CASZ1: variants seen among roughly 807,000 people sequenced by gnomAD.
The protein encoded by CASZ1 is castor zinc finger 1.
CASZ1 carries 28 observed loss-of-function variants against 135.2 expected under a neutral mutation model. That is an observed-to-expected ratio of 0.21 (90% CI 0.15 to 0.28). The LOEUF is 0.28. CASZ1 is among the 10% of genes least tolerant of loss of function. The probability of loss-of-function intolerance (pLI) is 1.00; values close to 1 mark genes in which losing one functional copy is unlikely to be tolerated. For synonymous variants in CASZ1, 1,068 were observed against 1,073.4 expected (o/e 0.99, Z 0.10); for missense variants, 2,161 against 2,453.3 (o/e 0.88, Z 2.52).
chr1:10,765,287 T>G (rs1570573529), intron 1 of CASZ1, among the ~76,000 whole-genome samples: 1 of 147,218 alleles, frequency 6.8e-6, no homozygotes, highest in African/African-American at 2.5e-5. Flanking sequence ...AAGCCCGGGG[T>G]GGGGAGAGGA....
At chr1:10,784,892 A>G (rs1290160098) in intron 1 of CASZ1, among the ~76,000 whole-genome samples, 2 of 152,136 alleles carry the variant, frequency 1.3e-5, no homozygotes, top group Non-Finnish European at 1.5e-5. Flanking sequence ...AAATAGACTA[A>G]AAGCATCTAA....
intron 1 of CASZ1, among the ~76,000 whole-genome samples, chr1:10,772,296 A>AC (rs999596868): frequency 1.3e-4 from 20 of 152,084 alleles, no homozygotes; most frequent in African/African-American, 4.6e-4. Context: ...AGTCCCAGGC[A>AC]CCCCCAGAGG....
intron 2 of CASZ1, among the ~76,000 whole-genome samples, chr1:10,750,384 T>C (rs1640128406): frequency 6.6e-6 from 1 of 152,146 alleles, no homozygotes; most frequent in East Asian, 1.9e-4. Context: ...CCAGTGATTC[T>C]CCCACCTCAG....
At position 10,727,814 on chromosome 1, in the gene CASZ1, A is replaced by G. The variant is rs1639624130; in HGVS notation, c.-76-22270T>C. ...CTCAGCCCTTGCCCAGACTGTGCCG[A>G]CCTGGGAACCTGTGGAGCCCCTGGC... On this transcript the variant is annotated intron_variant, in intron 2 of 20. Coordinates refer to ENST00000377022, the MANE Select transcript of CASZ1 (RefSeq NM_001079843.3). The surrounding 1 kb of genome is among the most constrained non-coding windows in gnomAD (Gnocchi z 5.3). Among the ~76,000 whole-genome samples, 1 of 152,186 alleles carries G rather than the reference A, an allele frequency of 6.6e-6. No homozygotes were observed. The highest frequency in any genetic ancestry group is 2.4e-5 in the African/African-American group (1 of 41,446).
At chr1:10,682,611 A>G (rs1467003207) in intron 4 of CASZ1, among the ~76,000 whole-genome samples, 1 of 152,348 alleles carries the variant, frequency 6.6e-6, no homozygotes, top group Admixed American at 6.5e-5. Flanking sequence ...CTGAACAGAA[A>G]TGTCACCGCT....
At position 10,755,106 on chromosome 1, in the gene CASZ1, G is replaced by C. The variant is rs1033874009; in HGVS notation, c.-77+5595C>G. Among the ~76,000 whole-genome samples the C allele has an allele frequency of 1.3e-5, 2 of 152,202 alleles. No homozygotes were observed. The highest frequency in any genetic ancestry group is 2.4e-5 in the African/African-American group (1 of 41,470). Reference sequence around the variant, plus strand: ...GCGACCCCCAGGCCTGAAGGGCAGAGAGCAAGCGGCAGTGGTGTGGGTGGG... The same window carrying C: ...GCGACCCCCAGGCCTGAAGGGCAGACAGCAAGCGGCAGTGGTGTGGGTGGG... On this transcript the variant is annotated intron_variant, in intron 2 of 20. Coordinates refer to ENST00000377022, the MANE Select transcript of CASZ1 (RefSeq NM_001079843.3). The surrounding 1 kb of genome is among the most constrained non-coding windows in gnomAD (Gnocchi z 4.3).
chr1:10,740,051 T>C (rs528780895), intron 2 of CASZ1, among the ~76,000 whole-genome samples: 235 of 152,218 alleles, frequency 1.5e-3, no homozygotes, highest in Non-Finnish European at 2.5e-3. Flanking sequence ...CACCACCCCA[T>C]AGGAAAGCTG....
rs559806450 is a variant in CASZ1 at position 10,772,684 on chromosome 1, A to G, written c.-233-11827T>C. Among the ~76,000 whole-genome samples, 6 of 152,300 alleles carry G rather than the reference A, an allele frequency of 3.9e-5. No individual in the cohort carries two copies. The South Asian group carries it at 1.2e-3, about 32-fold the overall frequency. ...CAGGGTGTCCACCTGAGTGCCAGAC[A>G]GGTGCATGGCTCCTCCCTAAAGCTG... On this transcript the variant is annotated intron_variant, in intron 1 of 20. Transcript: ENST00000377022.
intron 4 of CASZ1, 130 bp from the exon 5 acceptor site, chr1:10,665,701 G>A (rs1322165410): frequency 4.9e-6 from 5 of 1,015,108 alleles, no homozygotes; most frequent in Admixed American, 3.1e-5. Flanking sequence ...AAACTGCCCT[G>A]AGACTGCCTG....
chr1:10,694,312 G>A lies in CASZ1; in HGVS notation c.-23-400C>T. ...CGGTACTCACCATAGTCGGAGAGTCGAAAGCCGAATTCACTTAAATAATCA... is the reference window on the plus strand; with the variant it reads ...CGGTACTCACCATAGTCGGAGAGTCAAAAGCCGAATTCACTTAAATAATCA... On this transcript the variant is annotated intron_variant, in intron 3 of 20. Transcript: ENST00000377022. This position sits in a 1 kb window ranked among gnomAD's most constrained non-coding sequence, Gnocchi z 6.6. The A allele has an allele frequency of 8.6e-7, 1 of 1,157,226 alleles. No individual in the cohort carries two copies. The highest frequency in any genetic ancestry group is 1.1e-6 in the Non-Finnish European group (1 of 914,848). The allele number at this position is 1,157,226 out of a possible 1,614,324, so 71.7% of individuals were successfully genotyped here. A position where few individuals can be genotyped will look rare whatever the true frequency, so the allele number is the denominator to read the frequency against.
chr1:10,696,216 A>G (rs1638931426), intron 3 of CASZ1, among the ~76,000 whole-genome samples: 1 of 152,016 alleles, frequency 6.6e-6, no homozygotes, highest in South Asian at 2.1e-4. Context: ...GGAGTTGGGC[A>G]TCCCTCCCCT....
chr1:10,656,752 G>A lies in CASZ1; in HGVS notation c.1410-16C>T, dbSNP rs369886219. ...GCCCGAGAACCTGGAGGGAGGAGGG[G>A]TGGGGTCAGGGCCCTGCTGTGGGTG... On this transcript the variant is annotated splice_polypyrimidine_tract_variant and intron_variant, in intron 7 of 20. Transcript: ENST00000377022. 12 of 1,546,396 alleles carry A rather than the reference G, an allele frequency of 7.8e-6. No homozygotes were observed. The highest frequency in any genetic ancestry group is 2.3e-5 in the South Asian group (2 of 85,374).
chr1:10,789,808 G>A lies in CASZ1; in HGVS notation c.-234+6756C>T, dbSNP rs554944568. Among the ~76,000 whole-genome samples, 24 of 152,242 alleles carry A rather than the reference G, an allele frequency of 1.6e-4. No homozygotes were observed. The South Asian group carries it at 3.1e-3, about 20-fold the overall frequency. ...TGTCCAGGCCACCCCTCACTCTGCC[G>A]GACTTTGAACAGGGGGAACAGGAGA... is the stretch of plus-strand genomic sequence containing the variant. On this transcript the variant is annotated intron_variant, in intron 1 of 20. Transcript: ENST00000377022.
In CASZ1 at chr1:10,639,414, G is replaced by A. The variant is rs1642120747; in HGVS notation, c.4808C>T (p.Pro1603Leu). The A allele has an allele frequency of 1.3e-6, 2 of 1,554,272 alleles. No homozygotes were observed. The highest frequency in any genetic ancestry group is 1.7e-6 in the Non-Finnish European group (2 of 1,149,726). ...RKHEKQERGE[P>L]AAEGPAPGPP... ...CCCGGGCGCGGGGCCCTCTGCCGCG[G>A]GCTCGCCGCGCTCCTGCTTCTCGTG... Residue 1603 changes from proline (P) to leucine (L), a missense_variant, in exon 21 of 21, where the codon CCC becomes CTC. Physicochemically the swap from Pro to Leu is moderately conservative, Grantham distance 98 (BLOSUM62 -3). Around this residue, in one of 7 missense-constraint regions of CASZ1, gnomAD observed 240 missense variants for 321.4 expected, o/e 0.75. Transcript: ENST00000377022. This position sits in a 1 kb window ranked among gnomAD's most constrained non-coding sequence, Gnocchi z 4.0.
At chr1:10,753,375 G>A (rs1023626276) in intron 2 of CASZ1, among the ~76,000 whole-genome samples, 5 of 152,108 alleles carry the variant, frequency 3.3e-5, no homozygotes, top group Non-Finnish European at 5.9e-5. Context: ...TCCCTCACCC[G>A]TCACTGCTGC....
chr1:10,791,699 G>A (rs1407529711), intron 1 of CASZ1, among the ~76,000 whole-genome samples: 1 of 151,816 alleles, frequency 6.6e-6, no homozygotes, highest in Non-Finnish European at 1.5e-5. Flanking sequence ...TTCTACTCAT[G>A]TTCTTATGTC....
At chr1:10,746,195 T>A (rs1401127334) in intron 2 of CASZ1, among the ~76,000 whole-genome samples, 1 of 151,922 alleles carries the variant, frequency 6.6e-6, no homozygotes, top group African/African-American at 2.4e-5. Context: ...ATGAAGAGAG[T>A]GACAAGGAGG....
In CASZ1 at chr1:10,729,874, G is replaced by A. The variant is rs759162756; in HGVS notation, c.-76-24330C>T. 1.2e-4 allele frequency among the ~76,000 whole-genome samples: 18 copies of A among 152,034 alleles called. 1 individual carries two copies. Among genetic ancestry groups the A allele is most frequent in the Admixed American group, 5.2e-4 (8 of 15,262 alleles). ...TCTGTCGCCCAGGCTGGAGTGCAGC[G>A]GTGCTATCTCAGCTCACTGCAACTT... On this transcript the variant is annotated intron_variant, in intron 2 of 20. Coordinates refer to ENST00000377022, the MANE Select transcript of CASZ1 (RefSeq NM_001079843.3).
rs955267141 is a variant in CASZ1 at position 10,747,680 on chromosome 1, C to G, written c.-77+13021G>C. Among the ~76,000 whole-genome samples, 1 of 152,198 alleles carries G rather than the reference C, an allele frequency of 6.6e-6. No homozygotes were observed. Among genetic ancestry groups the G allele is most frequent in the African/African-American group, 2.4e-5 (1 of 41,460 alleles). ...ATCAAAGGCTGCAGGGTCGACCACACTGAAGACCCCCACTCTGCTCTCTTG... is the reference window on the plus strand; with the variant it reads ...ATCAAAGGCTGCAGGGTCGACCACAGTGAAGACCCCCACTCTGCTCTCTTG... On this transcript the variant is annotated intron_variant, in intron 2 of 20. Transcript: ENST00000377022. This position sits in a 1 kb window ranked among gnomAD's most constrained non-coding sequence, Gnocchi z 4.3.
Sources: allele counts gnomAD v4.1 joint callset (sites outside exome capture counted in the v4.1 genomes callset), GRCh38; gene constraint gnomAD v4.1.1; regional missense constraint gnomAD v4.1.1; non-coding constraint Gnocchi (gnomAD v3.1); transcripts MANE v1.5; gene names NCBI Gene and HGNC (gene_info 2026-07-23, HGNC 2026-07-21).